The following C10orf90 variants were observed in gnomAD, a reference collection of about 807,000 sequenced individuals.
C10orf90 encodes chromosome 10 open reading frame 90.
C10orf90 carries 56 observed loss-of-function variants against 62.5 expected under a neutral mutation model. The observed-to-expected ratio is 0.90, with a 90% CI of 0.72 to 1.12. C10orf90 has a LOEUF of 1.12. Ranked by LOEUF, C10orf90 falls within the 50% of genes most tolerant of loss-of-function variation. C10orf90 has a pLI of 0.00. For missense variants in C10orf90, 970 were observed against 880.4 expected, an observed-to-expected ratio of 1.10 and a Z score of -1.29; for synonymous variants, 386 against 340.4, an observed-to-expected ratio of 1.13 and a Z score of -1.47.
intron 2 of C10orf90, among the ~76,000 whole-genome samples, chr10:126,577,252 C>T (rs971524361): frequency 1.6e-4 from 24 of 151,346 alleles, no homozygotes; most frequent in Non-Finnish European, 3.0e-5. Flanking sequence ...ACTATGTACC[C>T]CATGAATATG....
intron 7 of C10orf90, among the ~76,000 whole-genome samples, chr10:126,446,047 G>C (rs1292425583): frequency 6.6e-6 from 1 of 151,612 alleles, no homozygotes; most frequent in Non-Finnish European, 1.5e-5. Flanking sequence ...CTACAAATAG[G>C]GTACAGCATA....
chr10:126,658,615 T>C (rs1405519106), intron 1 of C10orf90, among the ~76,000 whole-genome samples: 2 of 152,218 alleles, frequency 1.3e-5, no homozygotes, highest in African/African-American at 4.8e-5. Context: ...GTGATAATAA[T>C]TTAACATTTT....
chr10:126,577,810 T>C (rs1844657302), intron 2 of C10orf90, among the ~76,000 whole-genome samples: 1 of 152,006 alleles, frequency 6.6e-6, no homozygotes, highest in South Asian at 2.1e-4. Context: ...AACTAACCAG[T>C]AGAAATCAAT....
intron 7 of C10orf90, among the ~76,000 whole-genome samples, chr10:126,458,309 C>A (rs1859718294): frequency 6.6e-6 from 1 of 152,136 alleles, no homozygotes; most frequent in African/African-American, 2.4e-5. Flanking sequence ...TTCCTCTATC[C>A]AAAGGAATAA....
rs546333060 is a variant in C10orf90 at position 126,548,820 on chromosome 10, A to T, written c.314-34881T>A. Among the ~76,000 whole-genome samples, 29 of 151,446 alleles carry T rather than the reference A, an allele frequency of 1.9e-4. No individual in the cohort carries two copies. The South Asian group carries it at 5.4e-3, about 28-fold the overall frequency. ...TGCTGTGTGGTGCTGGCAGAGGGAC[A>T]GACCCAAATATTAATAGAATAGAAC... On this transcript the variant is annotated intron_variant, in intron 2 of 9. Coordinates refer to ENST00000488181, the MANE Select transcript of C10orf90 (RefSeq NM_001350921.2).
At chr10:126,556,788 C>A (rs1864783213) in intron 2 of C10orf90, among the ~76,000 whole-genome samples, 1 of 151,934 alleles carries the variant, frequency 6.6e-6, no homozygotes, top group Non-Finnish European at 1.5e-5. Context: ...TGAAAAGGGG[C>A]AGGAGAGAGT....
intron 4 of C10orf90, among the ~76,000 whole-genome samples, chr10:126,500,317 C>T (rs1862302846): frequency 6.6e-6 from 1 of 152,134 alleles, no homozygotes. Flanking sequence ...CAGCAGGAGA[C>T]AAGTACACAG....
intron 7 of C10orf90, among the ~76,000 whole-genome samples, chr10:126,443,903 A>G (rs1436664436): frequency 1.3e-5 from 2 of 152,142 alleles, no homozygotes; most frequent in African/African-American, 2.4e-5. Flanking sequence ...CACCACCTAA[A>G]CAGAATTAAA....
At chr10:126,440,941 G>A (rs1858277588) in intron 7 of C10orf90, among the ~76,000 whole-genome samples, 2 of 152,100 alleles carry the variant, frequency 1.3e-5, no homozygotes, top group Admixed American at 1.3e-4. Flanking sequence ...CACATGAAAA[G>A]GAACTCTGGT....
At chr10:126,631,851 G>A (rs896940800) in intron 2 of C10orf90, among the ~76,000 whole-genome samples, 1 of 151,864 alleles carries the variant, frequency 6.6e-6, no homozygotes, top group Non-Finnish European at 1.5e-5. Flanking sequence ...GAACCACAAC[G>A]TGGACCTTCC....
chr10:126,540,394 C>T (rs1441139476), intron 2 of C10orf90, among the ~76,000 whole-genome samples: 3 of 152,178 alleles, frequency 2.0e-5, no homozygotes, highest in Non-Finnish European at 4.4e-5. Context: ...TGCAGTGGCT[C>T]ATACCTGTAA....
intron 2 of C10orf90, among the ~76,000 whole-genome samples, chr10:126,619,629 T>G (rs1223477425): frequency 6.6e-6 from 1 of 152,134 alleles, no homozygotes; most frequent in Non-Finnish European, 1.5e-5. Context: ...CTTGGTTGTT[T>G]TTTTCTTTTT....
intron 2 of C10orf90, among the ~76,000 whole-genome samples, chr10:126,570,239 C>T (rs918510341): frequency 6.6e-6 from 1 of 152,194 alleles, no homozygotes; most frequent in African/African-American, 2.4e-5. Flanking sequence ...GGGGCCCCTG[C>T]CCCCTTCATT....
intron 2 of C10orf90, among the ~76,000 whole-genome samples, chr10:126,537,995 T>G (rs981083012): frequency 3.9e-5 from 6 of 152,074 alleles, no homozygotes; most frequent in Non-Finnish European, 7.4e-5. Context: ...CACGTAAAAA[T>G]GAAGGCAAGG....
intron 1 of C10orf90, among the ~76,000 whole-genome samples, chr10:126,649,482 C>G (rs1029222974): frequency 6.6e-6 from 1 of 152,092 alleles, no homozygotes; most frequent in African/African-American, 2.4e-5. Flanking sequence ...CACACGCTCA[C>G]CCACCACAGG....
chr10:126,614,034 G>C (rs1452256113), intron 2 of C10orf90, among the ~76,000 whole-genome samples: 1 of 152,124 alleles, frequency 6.6e-6, no homozygotes, highest in African/African-American at 2.4e-5. Flanking sequence ...GGATAATATG[G>C]GTGGGTTACA....
chr10:126,666,957 G>A (rs561057411), intron 1 of C10orf90, among the ~76,000 whole-genome samples: 69 of 149,676 alleles, frequency 4.6e-4, no homozygotes, highest in African/African-American at 1.6e-3. Context: ...TCCAGCCTGG[G>A]CGACAGAGTG....
intron 2 of C10orf90, among the ~76,000 whole-genome samples, chr10:126,593,758 C>G (rs911102146): frequency 3.9e-5 from 6 of 152,146 alleles, no homozygotes; most frequent in Non-Finnish European, 5.9e-5. Flanking sequence ...ACATTGTGTT[C>G]TCTGCTACCC....
chr10:126,504,765 T>C lies in C10orf90; in HGVS notation c.726A>G (p.Arg242=), dbSNP rs1233653855. 3 of 1,586,954 alleles carry C rather than the reference T, an allele frequency of 1.9e-6. No individual in the cohort carries two copies. The highest frequency in any genetic ancestry group is 2.2e-5 in the East Asian group (1 of 44,592). ...RGFASITITA[R]RVGPPARALV... is the part of the protein sequence containing the mutation. ...GGGCGCGGGCTGGGGGGCCCACGCG[T>C]CTGGCCGTGATGGTGATGGATGCAA... Residue 242 remains arginine (R), a synonymous_variant, in exon 4 of 10, where the codon AGA becomes AGG. Coordinates refer to ENST00000488181, the MANE Select transcript of C10orf90 (RefSeq NM_001350921.2). The surrounding 1 kb of genome is among the most constrained non-coding windows in gnomAD (Gnocchi z 4.1).
Sources: gnomAD v4.1 joint callset for allele counts (sites outside exome capture counted in the v4.1 genomes callset) on GRCh38, gnomAD v4.1.1 for gene constraint, Gnocchi (gnomAD v3.1) non-coding constraint, MANE v1.5 for transcripts, NCBI Gene and HGNC (gene_info 2026-07-23, HGNC 2026-07-21) for gene names.